The following DLG1 variants were observed in gnomAD, a reference collection of about 807,000 sequenced individuals.
The protein encoded by DLG1 is disks large homolog 1.
DLG1 carries 42 observed loss-of-function variants against 123.4 expected under a neutral mutation model. The observed-to-expected ratio is 0.34, with a 90% CI of 0.27 to 0.44. The LOEUF is 0.44. Among genes scored for constraint, DLG1 ranks in the 20% least tolerant of loss-of-function variants. The pLI, the probability that DLG1 is intolerant of heterozygous loss-of-function variation, is 1.00. For synonymous variants in DLG1, 317 were observed against 356.2 expected (o/e 0.89, Z 1.24); for missense variants, 942 against 1,082.6 (o/e 0.87, Z 1.82).
rs575818956 is a variant in DLG1 at position 197,089,742 on chromosome 3, AG to A, written c.1661+1169del. Among the ~76,000 whole-genome samples, 330 of 152,232 alleles carry A rather than the reference AG, an allele frequency of 2.2e-3. 2 individuals are homozygous for A. Among genetic ancestry groups the A allele is most frequent in the African/African-American group, 7.7e-3 (320 of 41,564 alleles). On this transcript the variant is annotated intron_variant, in intron 15 of 24. Transcript: ENST00000667157. ...AGCAAAAAAAAAGAAAGTGTAAAAA[AG>A]AGAGTAGAAAAATCCATGTTCTTCC...
intron 13 of DLG1, among the ~76,000 whole-genome samples, chr3:197,113,515 A>G (rs1771276883): frequency 6.6e-6 from 1 of 152,184 alleles, no homozygotes; most frequent in Non-Finnish European, 1.5e-5. Context: ...AAATCTATGT[A>G]TAATAACATT....
chr3:197,143,340 C>G (rs1312649799), intron 6 of DLG1, among the ~76,000 whole-genome samples: 9 of 152,078 alleles, frequency 5.9e-5, no homozygotes, highest in Admixed American at 5.9e-4. Context: ...ACTACAAGCT[C>G]CGCCTCCCGG....
intron 21 of DLG1, 87 bp from the exon 22 acceptor site, chr3:197,065,535 G>A: frequency 6.6e-6 from 8 of 1,220,190 alleles, no homozygotes; most frequent in Non-Finnish European, 8.0e-6. Flanking sequence ...GTTTTGTAAA[G>A]TTCAACAGAA....
intron 15 of DLG1, among the ~76,000 whole-genome samples, chr3:197,086,025 G>C (rs970837037): frequency 1.1e-4 from 16 of 151,924 alleles, no homozygotes; most frequent in African/African-American, 3.6e-4. Context: ...CCAATGGTAA[G>C]TTATATTGAA....
At chr3:197,165,879 G>C (rs1004962664) in intron 5 of DLG1, among the ~76,000 whole-genome samples, 2 of 152,222 alleles carry the variant, frequency 1.3e-5, no homozygotes. Flanking sequence ...TGACATAATT[G>C]AGAGAAGTAA....
intron 4 of DLG1, among the ~76,000 whole-genome samples, chr3:197,277,302 C>T (rs1766940542): frequency 1.3e-5 from 2 of 151,496 alleles, no homozygotes; most frequent in Admixed American, 1.3e-4. Context: ...TGAAATGTCC[C>T]ATTAAATCAG....
At chr3:197,284,916 T>C (rs569604850) in intron 3 of DLG1, among the ~76,000 whole-genome samples, 1 of 151,658 alleles carries the variant, frequency 6.6e-6, no homozygotes, top group South Asian at 2.1e-4. Flanking sequence ...TGAACGCAGA[T>C]CTAAACAAGA....
At chr3:197,098,763 T>C (rs1467716528) in intron 14 of DLG1, among the ~76,000 whole-genome samples, 2 of 152,144 alleles carry the variant, frequency 1.3e-5, no homozygotes, top group East Asian at 3.8e-4. Flanking sequence ...AACTCCTGCT[T>C]TCAAGGGATT....
intron 4 of DLG1, among the ~76,000 whole-genome samples, chr3:197,206,140 A>C (rs1728401887): frequency 6.6e-6 from 1 of 152,192 alleles, no homozygotes; most frequent in Non-Finnish European, 1.5e-5. Context: ...AAGGGTAGGC[A>C]GGGAGGGCAT....
At chr3:197,095,652 T>C (rs556799215) in intron 14 of DLG1, among the ~76,000 whole-genome samples, 173 of 152,316 alleles carry the variant, frequency 1.1e-3, no homozygotes, top group African/African-American at 3.3e-3. Context: ...ATAAAAGTTG[T>C]GTCTGCCAGG....
At chr3:197,127,457 AATATATATATAT>A (rs1553936527) in intron 11 of DLG1, among the ~76,000 whole-genome samples, 249 of 20,808 alleles carry the variant, frequency 0.012, 5 homozygotes, top group East Asian at 0.04. Flanking sequence ...AAAAAAAAAA[AATATATATATAT>A]ATATATATAT....
intron 18 of DLG1, chr3:197,070,066 C>T (rs1022406347): frequency 1.1e-4 from 16 of 152,202 alleles, no homozygotes; most frequent in African/African-American, 3.9e-4. Flanking sequence ...CTCCATTTCA[C>T]GACTTTATTG....
intron 5 of DLG1, chr3:197,161,805 G>T (rs1056769478): frequency 3.1e-6 from 3 of 965,932 alleles, no homozygotes; most frequent in Admixed American, 6.2e-5. Flanking sequence ...ATAACAAAAA[G>T]CTGTGCCATA....
At chr3:197,072,191 GT>G (rs903556669) in intron 18 of DLG1, among the ~76,000 whole-genome samples, 30 of 151,714 alleles carry the variant, frequency 2.0e-4, no homozygotes, top group Admixed American at 1.8e-3. Context: ...TTTTACCACG[GT>G]TTTTTTTATT....
chr3:197,266,542 G>A (rs1283211683), intron 4 of DLG1, among the ~76,000 whole-genome samples: 1 of 152,086 alleles, frequency 6.6e-6, no homozygotes, highest in Non-Finnish European at 1.5e-5. Context: ...GAAGCCAGGA[G>A]GCTGAGGATG....
At chr3:197,296,868 C>T in intron 2 of DLG1, 1 of 365,482 alleles carries the variant, frequency 2.7e-6, no homozygotes, top group Non-Finnish European at 4.9e-6. Flanking sequence ...TCTTAGTATC[C>T]CACAGTTGCT....
intron 4 of DLG1, among the ~76,000 whole-genome samples, chr3:197,248,846 C>A (rs1753024619): frequency 6.6e-6 from 1 of 152,144 alleles, no homozygotes; most frequent in African/African-American, 2.4e-5. Flanking sequence ...TATACTAGAA[C>A]AAAAGACAAG....
At chr3:197,140,374 A>C (rs1181693377) in intron 7 of DLG1, 110 bp from the exon 8 acceptor site, 2 of 1,096,788 alleles carry the variant, frequency 1.8e-6, no homozygotes, top group Non-Finnish European at 1.3e-6. Flanking sequence ...ACAACAAATA[A>C]AGGTATATGG....
At chr3:197,250,143 C>T (rs1409866363) in intron 4 of DLG1, among the ~76,000 whole-genome samples, 1 of 152,058 alleles carries the variant, frequency 6.6e-6, no homozygotes, top group Non-Finnish European at 1.5e-5. Flanking sequence ...TGATCTCATA[C>T]CTAGAAAAAC....
Sources: gnomAD v4.1 joint callset for allele counts (sites outside exome capture counted in the v4.1 genomes callset) on GRCh38, gnomAD v4.1.1 for gene constraint, MANE v1.5 for transcripts, NCBI Gene and HGNC (gene_info 2026-07-23, HGNC 2026-07-21) for gene names.